SRGAP1: variants seen among roughly 807,000 people sequenced by gnomAD.
The protein encoded by SRGAP1 is SLIT-ROBO Rho GTPase activating protein 1, also known as SLIT-ROBO Rho GTPase-activating protein 1.
In SRGAP1, 43 loss-of-function variants were observed where a neutral mutation model predicts 121.9. The observed-to-expected ratio is 0.35, with a 90% CI of 0.28 to 0.46. The LOEUF is 0.46. Among genes scored for constraint, SRGAP1 ranks in the 20% least tolerant of loss-of-function variants. The pLI, the probability that SRGAP1 is intolerant of heterozygous loss-of-function variation, is 1.00. For synonymous variants in SRGAP1, 447 were observed against 485.4 expected (o/e 0.92, Z 1.04); for missense variants, 1,102 against 1,350.9 (o/e 0.82, Z 2.89).
At chr12:64,096,533 A>G (rs1376308251) in intron 14 of SRGAP1, among the ~76,000 whole-genome samples, 3 of 152,190 alleles carry the variant, frequency 2.0e-5, no homozygotes, top group African/African-American at 7.2e-5. Flanking sequence ...TAGTTCTCAG[A>G]AAGAAACGCT....
chr12:64,026,471 T>C (rs1316693018), intron 4 of SRGAP1, among the ~76,000 whole-genome samples: 2 of 151,948 alleles, frequency 1.3e-5, no homozygotes, highest in African/African-American at 4.9e-5. Flanking sequence ...CAATTCAACA[T>C]ATCTTAACTC....
At chr12:63,855,473 GTTTT>G (rs781701925) in intron 1 of SRGAP1, among the ~76,000 whole-genome samples, 7,238 of 52,346 alleles carry the variant, frequency 0.14, 264 homozygotes, top group African/African-American at 0.23. Flanking sequence ...GAAAAATGGT[GTTTT>G]TTTTTTTTTT....
At chr12:64,071,763 G>C (rs183815131) in intron 8 of SRGAP1, among the ~76,000 whole-genome samples, 1 of 151,916 alleles carries the variant, frequency 6.6e-6, no homozygotes, top group South Asian at 2.1e-4. Context: ...AATGAATTTT[G>C]TTCAAAAACA....
chr12:64,081,994 G>T lies in SRGAP1; in HGVS notation c.1408+1624G>T, dbSNP rs200284177. The T allele has an allele frequency of 5.5e-4, 44 of 80,588 alleles. No homozygotes were observed. The East Asian group carries it at 9.2e-3, about 17-fold the overall frequency. The allele number at this position is 80,588 out of a possible 1,614,324, so 5.0% of individuals were successfully genotyped here. On this transcript the variant is annotated intron_variant, in intron 10 of 21. Coordinates refer to ENST00000355086, the MANE Select transcript of SRGAP1 (RefSeq NM_020762.4). ...TTTCTTTTTTCCCTCACAGTGTCAT[G>T]TAAGGTCTTTTTTTTTTTTTTTTTT...
chr12:64,053,526 G>A (rs2035280377), intron 6 of SRGAP1, among the ~76,000 whole-genome samples: 1 of 152,112 alleles, frequency 6.6e-6, no homozygotes, highest in Non-Finnish European at 1.5e-5. Flanking sequence ...CAATCTCTTA[G>A]CTTGGAATCA....
At chr12:63,900,541 G>T (rs1466456604) in intron 1 of SRGAP1, among the ~76,000 whole-genome samples, 2 of 151,906 alleles carry the variant, frequency 1.3e-5, no homozygotes, top group Non-Finnish European at 2.9e-5. Flanking sequence ...GGCTGGGTTT[G>T]GTGGCTCACA....
intron 3 of SRGAP1, among the ~76,000 whole-genome samples, chr12:63,993,534 G>T (rs2219249): frequency 0.032 from 4,799 of 152,172 alleles, 241 homozygotes; most frequent in African/African-American, 0.11. Context: ...TGAGACTTCC[G>T]CATGTTTCAA....
rs1447101427 is a variant in SRGAP1 at position 64,161,862 on chromosome 12, C to A, written c.*19190C>A. The A allele has an allele frequency of 6.6e-6, 1 of 152,154 alleles. No individual in the cohort carries two copies. 9.4% of individuals were successfully genotyped at this position (152,154 alleles called of 1,614,324 possible). A position where few individuals can be genotyped will look rare whatever the true frequency, so the allele number is the denominator to read the frequency against. On this transcript the variant is annotated 3_prime_UTR_variant, in exon 22 of 22. Coordinates refer to ENST00000355086, the MANE Select transcript of SRGAP1 (RefSeq NM_020762.4). ...AATAAGCAAATGTGGTATATTGATA[C>A]AATGGAATACTATTCTGTAATGAAG... is the stretch of plus-strand genomic sequence containing the variant.
intron 4 of SRGAP1, among the ~76,000 whole-genome samples, chr12:64,026,871 A>G (rs2034664595): frequency 6.6e-6 from 1 of 151,948 alleles, no homozygotes; most frequent in African/African-American, 2.4e-5. Context: ...ATCTCAAAAA[A>G]AAAAAAAGAA....
chr12:64,139,248 A>G (rs891684734), intron 21 of SRGAP1, among the ~76,000 whole-genome samples: 17 of 152,216 alleles, frequency 1.1e-4, no homozygotes, highest in Non-Finnish European at 2.4e-4. Context: ...CCCATAGGAG[A>G]CAGTACCACT....
rs2037090960 is a variant in SRGAP1, at chr12:64,148,983, C to G, written c.*6311C>G. 1 of 152,074 alleles carries G rather than the reference C, an allele frequency of 6.6e-6. No homozygotes were observed. Among genetic ancestry groups the G allele is most frequent in the Admixed American group, 6.6e-5 (1 of 15,266 alleles). The allele number at this position is 152,074 out of a possible 1,614,324, so 9.4% of individuals were successfully genotyped here. A position where few individuals can be genotyped will look rare whatever the true frequency, so the allele number is the denominator to read the frequency against. ...CAGTATGTAGATTTTGTGTCTGGCT[C>G]CTTTTGTTGAAATGTATGTTTGTAA... On this transcript the variant is annotated 3_prime_UTR_variant, in exon 22 of 22. Coordinates refer to ENST00000355086, the MANE Select transcript of SRGAP1 (RefSeq NM_020762.4).
rs2136594500 is a variant in SRGAP1 at position 64,097,268 on chromosome 12, G to A, written c.1706G>A (p.Ser569Asn). The A allele has an allele frequency of 1.2e-6, 2 of 1,608,488 alleles. No individual in the cohort carries two copies. Among genetic ancestry groups the A allele is most frequent in the South Asian group, 2.2e-5 (2 of 90,592 alleles). ...GAAAATCCTTTGGCTGATGACCAGA[G>A]TAACCATGATATTAACTCAGTTGCT... ...RGENPLADDQ[S>N]NHDINSVAGV... Residue 569 changes from serine (S) to asparagine (N), a missense_variant, in exon 15 of 22, where the codon AGT (serine) becomes AAT (asparagine). Around this residue, in one of 3 missense-constraint regions of SRGAP1, gnomAD observed 747 missense variants for 929.4 expected, o/e 0.80. Transcript: ENST00000355086.
intron 12 of SRGAP1, 104 bp from the exon 13 acceptor site, chr12:64,094,828 A>G: frequency 9.0e-7 from 1 of 1,114,350 alleles, no homozygotes; most frequent in Non-Finnish European, 1.3e-6. Flanking sequence ...TTGCTCCAGA[A>G]CTGCAAAAAT....
intron 1 of SRGAP1, among the ~76,000 whole-genome samples, chr12:63,906,840 T>C (rs947285185): frequency 6.6e-6 from 1 of 152,088 alleles, no homozygotes; most frequent in Non-Finnish European, 1.5e-5. Context: ...AGCAGTGTCC[T>C]AGTGACTATA....
intron 1 of SRGAP1, among the ~76,000 whole-genome samples, chr12:63,960,667 A>T (rs932294663): frequency 5.3e-5 from 8 of 152,140 alleles, no homozygotes; most frequent in Non-Finnish European, 8.8e-5. Context: ...TGCAGACGTT[A>T]TTAGGTGAAG....
At chr12:64,119,836 T>C (rs568371204) in intron 18 of SRGAP1, among the ~76,000 whole-genome samples, 1 of 145,886 alleles carries the variant, frequency 6.9e-6, no homozygotes, top group South Asian at 2.3e-4. Flanking sequence ...AATGGTACAA[T>C]CTCAGCTCAC....
At chr12:63,991,670 G>A (rs531167977) in intron 3 of SRGAP1, among the ~76,000 whole-genome samples, 2 of 152,266 alleles carry the variant, frequency 1.3e-5, no homozygotes, top group South Asian at 2.1e-4. Flanking sequence ...CTATGGGCAG[G>A]AGACTACGAT....
chr12:63,940,171 A>G (rs149027323), intron 1 of SRGAP1, among the ~76,000 whole-genome samples: 4,978 of 152,002 alleles, frequency 0.033, 107 homozygotes, highest in Non-Finnish European at 0.048. Flanking sequence ...CATGTTGGCC[A>G]GGCTGGTCTC....
chr12:64,069,704 C>G (rs571875729), intron 8 of SRGAP1, among the ~76,000 whole-genome samples: 2 of 152,282 alleles, frequency 1.3e-5, no homozygotes, highest in South Asian at 4.1e-4. Flanking sequence ...GCTCTGTCAT[C>G]CAGGCTGGAG....
Sources: allele counts gnomAD v4.1 joint callset (sites outside exome capture counted in the v4.1 genomes callset), GRCh38; gene constraint gnomAD v4.1.1; regional missense constraint gnomAD v4.1.1; transcripts MANE v1.5; gene names NCBI Gene and HGNC (gene_info 2026-07-23, HGNC 2026-07-21).